Variants in NFKBIZ observed in about 807,000 individuals in gnomAD.
The protein encoded by NFKBIZ is NFKB inhibitor zeta, also known as NF-kappa-B inhibitor zeta.
Under a neutral mutation model 76.8 loss-of-function variants are expected in NFKBIZ, and 19 were observed. The observed-to-expected ratio is 0.25, with a 90% CI of 0.17 to 0.36. The LOEUF (loss-of-function observed/expected upper bound fraction) is 0.36. Ranked by LOEUF, NFKBIZ falls within the 10% of genes least tolerant of loss-of-function variation. NFKBIZ has a pLI of 1.00. For missense variants in NFKBIZ, 829 were observed against 910.9 expected, an observed-to-expected ratio of 0.91 and a Z score of 1.16; for synonymous variants, 368 against 354.8, an observed-to-expected ratio of 1.04 and a Z score of -0.42.
chr3:101,829,680 C>T (rs1942619074), exon 2 of NFKBIZ: 1 of 152,126 alleles, frequency 6.6e-6, no homozygotes, highest in African/African-American at 2.4e-5. Flanking sequence ...TGATGCTGAA[C>T]TCTCGAGGGT....
At chr3:101,830,198 G>A (rs1042551005) in intron 2 of NFKBIZ, among the ~76,000 whole-genome samples, 1 of 152,182 alleles carries the variant, frequency 6.6e-6, no homozygotes, top group African/African-American at 2.4e-5. Flanking sequence ...ATTTACTGCC[G>A]CTGATGGAGT....
At chr3:101,846,510 A>C (rs1475459707), upstream of NFKBIZ, among the ~76,000 whole-genome samples, 1 of 152,212 alleles carries the variant, frequency 6.6e-6, no homozygotes, top group African/African-American at 2.4e-5. Context: ...TTGAAACATT[A>C]GTCTTTTGTT....
In NFKBIZ at chr3:101,849,561, G is replaced by T; in HGVS notation, c.-68G>T. The T allele has an allele frequency of 5.5e-6, 7 of 1,270,948 alleles. No individual in the cohort carries two copies. The highest frequency in any genetic ancestry group is 2.4e-5 in the South Asian group (1 of 41,154). The allele number at this position is 1,270,948 out of a possible 1,614,324, so 78.7% of individuals were successfully genotyped here. ...CGCCGACAGCTCCCTGAGCCAGCCCGGGAGGCAGCCGCGCGCAGCGAGCCG... is the reference window on the plus strand; with the variant it reads ...CGCCGACAGCTCCCTGAGCCAGCCCTGGAGGCAGCCGCGCGCAGCGAGCCG... On this transcript the variant is annotated 5_prime_UTR_variant, in exon 1 of 12. Coordinates refer to ENST00000326172, the MANE Select transcript of NFKBIZ (RefSeq NM_031419.4).
At chr3:101,841,084 T>G (rs1325471134) in intron 2 of NFKBIZ, among the ~76,000 whole-genome samples, 1 of 152,240 alleles carries the variant, frequency 6.6e-6, no homozygotes, top group African/African-American at 2.4e-5. Context: ...AACCTTTTGC[T>G]AATTCATCTG....
intron 2 of NFKBIZ, among the ~76,000 whole-genome samples, chr3:101,834,477 C>T (rs1361444301): frequency 6.6e-6 from 1 of 152,188 alleles, no homozygotes; most frequent in African/African-American, 2.4e-5. Flanking sequence ...TCTCCTGCCT[C>T]AGCCTCCAGA....
Position 101,853,455 on chromosome 3 carries a change from A to G in NFKBIZ, c.929A>G (p.Tyr310Cys). ...TACACCCACAAACCAACTCTGGAAT[A>G]CAGTCCTTTTCCCATACCTCCCCAG... ...PHYTHKPTLE[Y>C]SPFPIPPQSP... Residue 310 changes from tyrosine to cysteine, a missense_variant, in exon 5 of 12, where the codon TAC (tyrosine) becomes TGC (cysteine). Transcript: ENST00000326172. The G allele has an allele frequency of 6.2e-7, 1 of 1,614,224 alleles. No individual in the cohort carries two copies. Among genetic ancestry groups the G allele is most frequent in the African/African-American group, 1.3e-5 (1 of 75,052 alleles).
intron 2 of NFKBIZ, among the ~76,000 whole-genome samples, chr3:101,833,153 G>A (rs1250492998): frequency 1.3e-5 from 2 of 152,218 alleles, no homozygotes; most frequent in African/African-American, 2.4e-5. Flanking sequence ...TAGATTCCAT[G>A]TGGGTCAGAT....
Position 101,857,190 on chromosome 3 carries a change from C to T in NFKBIZ, c.1935+7C>T, listed in dbSNP as rs2107422872. ...GTCTTTTGTGAATGCAAAGGTACAC[C>T]AGAGTTGGAATGGCCTTCTGTACAC... On this transcript the variant is annotated splice_region_variant and intron_variant, in intron 10 of 11. Coordinates refer to ENST00000326172, the MANE Select transcript of NFKBIZ (RefSeq NM_031419.4). The T allele has an allele frequency of 7.2e-6, 1 of 139,654 alleles. No homozygotes were observed. The highest frequency in any genetic ancestry group is 1.0e-5 in the Non-Finnish European group (1 of 96,158). The allele number at this position is 139,654 out of a possible 1,614,324, so 8.7% of individuals were successfully genotyped here. A position where few individuals can be genotyped will look rare whatever the true frequency, so the allele number is the denominator to read the frequency against.
At chr3:101,833,148 T>C (rs1942669610) in intron 2 of NFKBIZ, among the ~76,000 whole-genome samples, 2 of 152,226 alleles carry the variant, frequency 1.3e-5, no homozygotes. Context: ...GCACTTAGAT[T>C]CCATGTGGGT....
intron 2 of NFKBIZ, among the ~76,000 whole-genome samples, chr3:101,834,563 G>C (rs905726120): frequency 1.2e-4 from 19 of 152,250 alleles, no homozygotes; most frequent in African/African-American, 4.6e-4. Context: ...GTTTCACTGT[G>C]TTGGCCAGGC....
At position 101,855,920 on chromosome 3, in the gene NFKBIZ, G is replaced by T. The variant is rs763680009; in HGVS notation, c.1824+18G>T. 1.3e-6 allele frequency: 2 copies of T among 1,591,302 alleles called. No individual in the cohort carries two copies. Among genetic ancestry groups the T allele is most frequent in the East Asian group, 4.5e-5 (2 of 44,522 alleles). On this transcript the variant is annotated intron_variant, in intron 9 of 11. Transcript: ENST00000326172. ...AAGCGAAGGTAAATTCACAGAAAAGGTTTAAGATGGGGTAGGGGAGAAACT... is the reference window on the plus strand; with the variant it reads ...AAGCGAAGGTAAATTCACAGAAAAGTTTTAAGATGGGGTAGGGGAGAAACT...
chr3:101,834,212 G>A (rs1353596864), intron 2 of NFKBIZ, among the ~76,000 whole-genome samples: 1 of 152,030 alleles, frequency 6.6e-6, no homozygotes. Flanking sequence ...TGGCTTTCTT[G>A]TTTCTGTTCT....
chr3:101,857,225 G>GT (rs1381174186), intron 10 of NFKBIZ, 42 bp downstream of exon 10: 1 of 1,612,340 alleles, frequency 6.2e-7, no homozygotes, highest in African/African-American at 1.3e-5. Context: ...CCCTCTCAAA[G>GT]TTTTTGAGCT....
intron 5 of NFKBIZ, 143 bp from the exon 6 acceptor site, chr3:101,854,435 A>C: frequency 1.7e-6 from 1 of 604,432 alleles, no homozygotes; most frequent in Non-Finnish European, 3.0e-6. Flanking sequence ...GTAGCAGAAA[A>C]GACAAATTAT....
intron 1 of NFKBIZ, chr3:101,850,143 G>T: frequency 2.4e-6 from 1 of 420,840 alleles, no homozygotes; most frequent in Non-Finnish European, 4.1e-6. Flanking sequence ...GCCTCGGGGG[G>T]GCTTCAGAAA....
chr3:101,851,467 T>A (rs1350601248), intron 1 of NFKBIZ, among the ~76,000 whole-genome samples: 2 of 152,202 alleles, frequency 1.3e-5, no homozygotes, highest in Non-Finnish European at 2.9e-5. Flanking sequence ...TTTGGCACAG[T>A]TGAATTGAAG....
At chr3:101,857,994 C>T in intron 11 of NFKBIZ, 2 of 841,174 alleles carry the variant, frequency 2.4e-6, no homozygotes, top group Non-Finnish European at 2.9e-6. Flanking sequence ...TTGTTTTAAA[C>T]AGCATATTTA....
At chr3:101,850,034 A>G (rs971237051) in intron 1 of NFKBIZ, 117 bp downstream of exon 1, 2 of 1,018,814 alleles carry the variant, frequency 2.0e-6, no homozygotes, top group African/African-American at 3.4e-5. Flanking sequence ...GGACGTACGC[A>G]CCTTAGCCAT....
chr3:101,837,491 CAAAA>C (rs10713154), intron 2 of NFKBIZ, among the ~76,000 whole-genome samples: 4 of 93,122 alleles, frequency 4.3e-5, no homozygotes, highest in Non-Finnish European at 4.7e-5. Flanking sequence ...GATCCTGTCT[CAAAA>C]AAAAAAAAAA....
Sources: gnomAD v4.1 joint callset for allele counts (sites outside exome capture counted in the v4.1 genomes callset) on GRCh38, gnomAD v4.1.1 for gene constraint, MANE v1.5 for transcripts, NCBI Gene and HGNC (gene_info 2026-07-23, HGNC 2026-07-21) for gene names.